ATRNL1: variants seen among roughly 807,000 people sequenced by gnomAD.
ATRNL1 encodes the protein attractin-like protein 1.
ATRNL1 carries 95 observed loss-of-function variants against 182.7 expected under a neutral mutation model. The ratio of observed to expected loss-of-function variants is 0.52; its 90% CI spans 0.44 to 0.62. ATRNL1 has a LOEUF of 0.62. Ranked by LOEUF, ATRNL1 falls within the 20% of genes least tolerant of loss-of-function variation. ATRNL1 has a pLI of 0.00. For missense variants in ATRNL1, 1,471 were observed against 1,679.5 expected (o/e 0.88, Z 2.17); for synonymous variants, 576 against 568.3 (o/e 1.01, Z -0.19).
chr10:115,254,798 G>A (rs1200836022), intron 10 of ATRNL1, among the ~76,000 whole-genome samples: 7 of 152,060 alleles, frequency 4.6e-5, no homozygotes, highest in Admixed American at 6.6e-5. Flanking sequence ...AATCCATCTT[G>A]AATTAATTTT....
At chr10:115,380,388 A>G (rs531421427) in intron 19 of ATRNL1, among the ~76,000 whole-genome samples, 2 of 152,202 alleles carry the variant, frequency 1.3e-5, no homozygotes, top group Non-Finnish European at 2.9e-5. Flanking sequence ...AAAAATTACA[A>G]TTTGAAAGTA....
intron 17 of ATRNL1, among the ~76,000 whole-genome samples, chr10:115,312,815 T>G (rs891681578): frequency 2.0e-5 from 3 of 152,102 alleles, no homozygotes; most frequent in African/African-American, 7.2e-5. Flanking sequence ...AAATTATTTT[T>G]TCTTTATTTT....
At chr10:115,636,350 C>T (rs1555028139) in intron 26 of ATRNL1, among the ~76,000 whole-genome samples, 3 of 152,162 alleles carry the variant, frequency 2.0e-5, no homozygotes, top group Admixed American at 1.3e-4. Flanking sequence ...CTGCAGCCAG[C>T]CCTGGAAAAT....
intron 24 of ATRNL1, among the ~76,000 whole-genome samples, chr10:115,483,873 A>G (rs1848890308): frequency 6.6e-6 from 1 of 151,648 alleles, no homozygotes; most frequent in Non-Finnish European, 1.5e-5. Context: ...GAAGGAATCA[A>G]TCTCATATTT....
chr10:115,289,581 T>A (rs1329088734), intron 15 of ATRNL1, among the ~76,000 whole-genome samples: 3 of 152,146 alleles, frequency 2.0e-5, no homozygotes. Flanking sequence ...GGTGGGGGTC[T>A]AGTTTAATTC....
Position 115,535,227 on chromosome 10 carries a change from C to T in ATRNL1, c.3717-14231C>T, listed in dbSNP as rs1473544204. Among the ~76,000 whole-genome samples the T allele has an allele frequency of 8.5e-5, 13 of 152,226 alleles. No individual in the cohort carries two copies. The East Asian group carries it at 9.7e-4, about 11-fold the overall frequency. On this transcript the variant is annotated intron_variant, in intron 25 of 28. Coordinates refer to ENST00000355044, the MANE Select transcript of ATRNL1 (RefSeq NM_207303.4). ...TTTTCCAACTTGGCTCCATTCTCCC[C>T]GTCACTTTCAGGTACACCGATCAGA...
At chr10:115,703,976 G>A (rs1946819374) in intron 26 of ATRNL1, among the ~76,000 whole-genome samples, 1 of 151,806 alleles carries the variant, frequency 6.6e-6, no homozygotes, top group Non-Finnish European at 1.5e-5. Flanking sequence ...TGGGACAACT[G>A]ACTGTGGAAA....
intron 28 of ATRNL1, among the ~76,000 whole-genome samples, chr10:115,851,333 C>T (rs1240256141): frequency 1.3e-5 from 2 of 150,926 alleles, no homozygotes; most frequent in Non-Finnish European, 2.9e-5. Context: ...CTAGTTTGGC[C>T]ATCTCTTTTC....
chr10:115,531,634 T>G (rs1425075693), intron 25 of ATRNL1, among the ~76,000 whole-genome samples: 10 of 148,644 alleles, frequency 6.7e-5, no homozygotes, highest in South Asian at 2.2e-4. Context: ...TGAGTTTAAT[T>G]AGATCCCATT....
At chr10:115,931,024 T>C (rs1480957031) in intron 28 of ATRNL1, among the ~76,000 whole-genome samples, 3 of 152,194 alleles carry the variant, frequency 2.0e-5, no homozygotes, top group South Asian at 4.1e-4. Flanking sequence ...GTTCTGATAA[T>C]TAGGATCCCA....
intron 26 of ATRNL1, among the ~76,000 whole-genome samples, chr10:115,646,740 TA>T (rs1555032599): frequency 2.0e-5 from 3 of 151,994 alleles, no homozygotes; most frequent in Non-Finnish European, 4.4e-5. Context: ...AGGCAGGGCA[TA>T]ATACTATACA....
intron 1 of ATRNL1, among the ~76,000 whole-genome samples, chr10:115,111,307 G>C (rs782731201): frequency 1.3e-5 from 2 of 152,204 alleles, no homozygotes; most frequent in Non-Finnish European, 2.9e-5. Flanking sequence ...ATCCTTGTTA[G>C]AATTATAGAG....
In ATRNL1 at chr10:115,572,240, T is replaced by C. The variant is rs981484275; in HGVS notation, c.3795+22704T>C. Among the ~76,000 whole-genome samples, 86 of 152,132 alleles carry C rather than the reference T, an allele frequency of 5.7e-4. 1 individual carries two copies. Among genetic ancestry groups the C allele is most frequent in the Admixed American group, 4.0e-3 (61 of 15,266 alleles). On this transcript the variant is annotated intron_variant, in intron 26 of 28. Transcript: ENST00000355044. ...GTTAAAAGAAAGTCATAGCTCTGGC[T>C]ACAGTATGGAGAATGGATTATAGGG... is the stretch of plus-strand genomic sequence containing the variant.
chr10:115,816,717 A>G (rs1176549175), intron 27 of ATRNL1, among the ~76,000 whole-genome samples: 1 of 152,036 alleles, frequency 6.6e-6, no homozygotes, highest in Non-Finnish European at 1.5e-5. Flanking sequence ...ATTTTTTAGC[A>G]GAACCACCTT....
intron 28 of ATRNL1, among the ~76,000 whole-genome samples, chr10:115,874,714 G>A (rs1254681277): frequency 6.6e-6 from 1 of 152,184 alleles, no homozygotes; most frequent in Non-Finnish European, 1.5e-5. Context: ...AACCTGGACA[G>A]GCAGCAGAGG....
At chr10:115,442,525 C>G in intron 21 of ATRNL1, among the ~76,000 whole-genome samples, 1 of 152,002 alleles carries the variant, frequency 6.6e-6, no homozygotes, top group East Asian at 1.9e-4. Flanking sequence ...TTAGGCATGA[C>G]AGGCCAGATG....
At position 115,780,933 on chromosome 10, in the gene ATRNL1, G is replaced by A. The variant is rs558556408; in HGVS notation, c.3903+53578G>A. Among the ~76,000 whole-genome samples, 11 of 152,306 alleles carry A rather than the reference G, an allele frequency of 7.2e-5. No homozygotes were observed. In the East Asian group the frequency reaches 2.1e-3, roughly 29 times the overall value. ...GAGAGACTTCTGCTTCAGCAAAGTG[G>A]AGGGAGACCAGAAGAAGGAATATAT... On this transcript the variant is annotated intron_variant, in intron 27 of 28. Coordinates refer to ENST00000355044, the MANE Select transcript of ATRNL1 (RefSeq NM_207303.4).
In ATRNL1 at chr10:115,843,538, G is replaced by C. The variant is rs529094688; in HGVS notation, c.3904-4339G>C. On this transcript the variant is annotated intron_variant, in intron 27 of 28. Coordinates refer to ENST00000355044, the MANE Select transcript of ATRNL1 (RefSeq NM_207303.4). ...AAGATCAGGAACGTTGGAGACCTGT[G>C]GGAAGGATGCCTTAGACAGTAGGAA... Among the ~76,000 whole-genome samples, 6 of 152,160 alleles carry C rather than the reference G, an allele frequency of 3.9e-5. No homozygotes were observed. In the South Asian group the frequency reaches 1.2e-3, roughly 32 times the overall value.
intron 5 of ATRNL1, among the ~76,000 whole-genome samples, chr10:115,135,443 A>G (rs1171474107): frequency 6.6e-6 from 1 of 152,198 alleles, no homozygotes; most frequent in Non-Finnish European, 1.5e-5. Context: ...CAACTGCTTC[A>G]AAGAGAATAA....
Sources: gnomAD v4.1 joint callset for allele counts (sites outside exome capture counted in the v4.1 genomes callset) on GRCh38, gnomAD v4.1.1 for gene constraint, MANE v1.5 for transcripts, NCBI Gene and HGNC (gene_info 2026-07-23, HGNC 2026-07-21) for gene names.